Variants in GALNT3 observed in about 807,000 individuals in gnomAD.
GALNT3 encodes polypeptide N-acetylgalactosaminyltransferase 3, also known as GalNAc transferase 3.
Under a neutral mutation model 69.8 loss-of-function variants are expected in GALNT3, and 51 were observed. That is an observed-to-expected ratio of 0.73 (90% confidence interval 0.58 to 0.92). The LOEUF (loss-of-function observed/expected upper bound fraction) is 0.92, where lower values mean the gene tolerates loss of function less well. GALNT3 is among the 40% of genes least tolerant of loss of function. The pLI is 0.00. For missense variants in GALNT3, 711 were observed against 760.0 expected, an observed-to-expected ratio of 0.94 and a Z score of 0.76; for synonymous variants, 265 against 248.5, an observed-to-expected ratio of 1.07 and a Z score of -0.63.
chr2:165,792,446 G>C (rs1268383929), intron 1 of GALNT3, among the ~76,000 whole-genome samples: 1 of 152,164 alleles, frequency 6.6e-6, no homozygotes, highest in Non-Finnish European at 1.5e-5. Flanking sequence ...ACAAGATTAA[G>C]AGGTCAGGTG....
chr2:165,774,493 A>G (rs1688811072), intron 1 of GALNT3, among the ~76,000 whole-genome samples: 1 of 152,220 alleles, frequency 6.6e-6, no homozygotes, highest in African/African-American at 2.4e-5. Flanking sequence ...AATGACGCAG[A>G]TAGAAGATAG....
chr2:165,758,947 T>C, intron 5 of GALNT3, 83 bp from the exon 6 acceptor site: 2 of 889,550 alleles, frequency 2.2e-6, no homozygotes, highest in South Asian at 1.4e-5. Context: ...AGTTAAAAAA[T>C]TAAAGCCATA....
chr2:165,773,231 C>G (rs1688785329), intron 1 of GALNT3, among the ~76,000 whole-genome samples: 1 of 152,082 alleles, frequency 6.6e-6, no homozygotes, highest in South Asian at 2.1e-4. Flanking sequence ...GTGGTTTCCC[C>G]CATACTATTT....
intron 3 of GALNT3, among the ~76,000 whole-genome samples, chr2:165,763,094 C>T (rs1303755181): frequency 1.3e-5 from 2 of 152,036 alleles, no homozygotes; most frequent in African/African-American, 4.8e-5. Context: ...GCCACTGCGC[C>T]CAGCTGTTCA....
At chr2:165,749,037 T>C in intron 10 of GALNT3, 134 bp from the exon 11 acceptor site, 1 of 894,162 alleles carries the variant, frequency 1.1e-6, no homozygotes, top group Non-Finnish European at 1.7e-6. Context: ...TCTGATAAAC[T>C]CTTTTTGGCT....
At chr2:165,776,411 G>A (rs1419775386) in intron 1 of GALNT3, among the ~76,000 whole-genome samples, 2 of 151,998 alleles carry the variant, frequency 1.3e-5, no homozygotes, top group Non-Finnish European at 1.5e-5. Context: ...CAGATAAAGG[G>A]TTTGTTCTTC....
chr2:165,763,257 G>T (rs931551021), intron 3 of GALNT3, among the ~76,000 whole-genome samples: 2 of 151,934 alleles, frequency 1.3e-5, no homozygotes, highest in African/African-American at 4.8e-5. Flanking sequence ...AATGTCCTGG[G>T]GCAAAAGTTT....
intron 1 of GALNT3, among the ~76,000 whole-genome samples, chr2:165,776,633 T>A (rs1310041365): frequency 6.6e-6 from 1 of 152,176 alleles, no homozygotes; most frequent in Non-Finnish European, 1.5e-5. Flanking sequence ...GACCTGGTTT[T>A]AAAAAGTTAT....
Position 165,754,973 on chromosome 2 carries a change from C to A in GALNT3, c.1483G>T (p.Glu495Ter). Residue 495 changes from glutamate (E) to a stop codon, truncating the protein, a stop_gained, in exon 8 of 11, where the codon GAG becomes TAG. Coordinates refer to ENST00000392701, the MANE Select transcript of GALNT3 (RefSeq NM_004482.4). LOFTEE classifies it high-confidence loss of function. ...GGATTAAGGTCTGGCACATACACCT[C>A]TGGATAAATGTTGTTCAGATACCAT... ...FTWYLNNIYP[E>*]VYVPDLNPVI... 1 of 1,613,386 alleles carries A rather than the reference C, an allele frequency of 6.2e-7. No individual in the cohort carries two copies.
chr2:165,750,763 T>TC (rs1322867003), intron 9 of GALNT3, among the ~76,000 whole-genome samples: 1 of 152,192 alleles, frequency 6.6e-6, no homozygotes, highest in Admixed American at 6.5e-5. Flanking sequence ...TGATCTTGCA[T>TC]CAATCATTGC....
At chr2:165,785,198 C>G (rs906328973) in intron 1 of GALNT3, among the ~76,000 whole-genome samples, 2 of 152,020 alleles carry the variant, frequency 1.3e-5, no homozygotes, top group Non-Finnish European at 2.9e-5. Flanking sequence ...CAACCGAGAA[C>G]TCTACCAATA....
At chr2:165,760,217 A>G (rs1160174517) in intron 4 of GALNT3, among the ~76,000 whole-genome samples, 2 of 152,226 alleles carry the variant, frequency 1.3e-5, no homozygotes, top group Non-Finnish European at 2.9e-5. Context: ...AATAAGGTAC[A>G]GTAATTGAAA....
intron 7 of GALNT3, among the ~76,000 whole-genome samples, chr2:165,756,519 T>C (rs1222467224): frequency 6.6e-6 from 1 of 152,144 alleles, no homozygotes; most frequent in Non-Finnish European, 1.5e-5. Context: ...AGAAATATGT[T>C]AAGCATGCAC....
chr2:165,781,074 A>C (rs1444439992), intron 1 of GALNT3, among the ~76,000 whole-genome samples: 1 of 152,140 alleles, frequency 6.6e-6, no homozygotes, highest in Non-Finnish European at 1.5e-5. Flanking sequence ...TGATTCTGCT[A>C]TTGGCACTTT....
intron 9 of GALNT3, among the ~76,000 whole-genome samples, chr2:165,753,636 T>C (rs1434143073): frequency 1.3e-5 from 2 of 152,078 alleles, no homozygotes; most frequent in African/African-American, 4.8e-5. Context: ...ATGAGGGAAA[T>C]AGTCTAATCT....
intron 1 of GALNT3, among the ~76,000 whole-genome samples, chr2:165,773,324 A>G (rs929395332): frequency 6.6e-6 from 1 of 152,206 alleles, no homozygotes; most frequent in African/African-American, 2.4e-5. Flanking sequence ...GCCTGCCATC[A>G]TGTAAGACGT....
At position 165,770,732 on chromosome 2, in the gene GALNT3, AAC is replaced by A. The variant is rs769374370; in HGVS notation, c.-34_-33del. The A allele has an allele frequency of 3.8e-6, 6 of 1,595,698 alleles. No individual in the cohort carries two copies. Among genetic ancestry groups the A allele is most frequent in the Non-Finnish European group, 4.2e-6 (5 of 1,177,772 alleles). On this transcript the variant is annotated 5_prime_UTR_variant, in exon 2 of 11. It introduces an in-frame stop codon into an upstream open reading frame of the 5' UTR. Coordinates refer to ENST00000392701, the MANE Select transcript of GALNT3 (RefSeq NM_004482.4). Reference sequence around the variant, plus strand: ...ATTAAAAGCTTGTCACTTGACAAATAACAGTTATTTCTTCTTCTGTTACTTAT... The same window carrying A: ...ATTAAAAGCTTGTCACTTGACAAATAAGTTATTTCTTCTTCTGTTACTTAT...
chr2:165,765,038 A>G lies in GALNT3; in HGVS notation c.534T>C (p.Phe178=). 2 of 1,614,188 alleles carry G rather than the reference A, an allele frequency of 1.2e-6. No individual in the cohort carries two copies. Among genetic ancestry groups the G allele is most frequent in the Non-Finnish European group, 1.7e-6 (2 of 1,180,026 alleles). The change falls in exon 3 of 11, where the codon TTT becomes TTC. Residue 178 remains phenylalanine, a synonymous_variant. Coordinates refer to ENST00000392701, the MANE Select transcript of GALNT3 (RefSeq NM_004482.4). ...TGGTGGGCAGGGGAGGGCAGCGCTT[A>G]AATTTTTGTTCAATACATCTAGAAG... ...TRPPECIEQK[F]KRCPPLPTTS...
chr2:165,758,162 A>G (rs528843709), intron 6 of GALNT3, among the ~76,000 whole-genome samples: 75 of 152,312 alleles, frequency 4.9e-4, no homozygotes, highest in African/African-American at 1.8e-3. Flanking sequence ...ATGGAGCCAG[A>G]GCCAAAACTT....
Sources: allele counts gnomAD v4.1 joint callset (sites outside exome capture counted in the v4.1 genomes callset), GRCh38; gene constraint gnomAD v4.1.1; transcripts MANE v1.5; gene names NCBI Gene and HGNC (gene_info 2026-07-23, HGNC 2026-07-21).